The following ACTL10 variants were observed in gnomAD, a reference collection of about 807,000 sequenced individuals.
ACTL10 encodes actin like 10.
For synonymous variants in ACTL10, 180 were observed against 169.9 expected (o/e 1.06, Z -0.46); for missense variants, 413 against 359.4 (o/e 1.15, Z -1.21).
chr20:33,667,690 C>A lies in ACTL10; in HGVS notation c.193C>A (p.Pro65Thr), dbSNP rs538359598. The change falls in exon 1 of 1, where the codon CCT (proline) becomes ACT (threonine). Residue 65 changes from proline to threonine, a missense_variant. Transcript: ENST00000677665. ...GCGGGATCTGCTGGTGGCGGCGAAC[C>A]CTGACCTCTTGCAGCAGGCCCTGCC... ...YLRDLLVAANPDLLQQALPRK... is the reference protein window; with the variant it reads ...YLRDLLVAANTDLLQQALPRK... The A allele has an allele frequency of 6.0e-5, 97 of 1,612,120 alleles. 1 individual carries two copies. In the South Asian group the frequency reaches 1.0e-3, roughly 17 times the overall value.
At position 33,667,801 on chromosome 20, in the gene ACTL10, C is replaced by A. The variant is rs116576871; in HGVS notation, c.304C>A (p.His102Asn). The A allele has an allele frequency of 9.1e-4, 1,461 of 1,612,650 alleles. 9 individuals are homozygous for A. In the African/African-American group the frequency reaches 0.015, roughly 17 times the overall value. ...EGDLRDPARH[H>N]PASFSVGNGC... ...CGACCTCCGCGACCCCGCCCGCCAC[C>A]ATCCGGCCAGTTTCAGCGTGGGTAA... The change falls in exon 1 of 1, where the codon CAT becomes AAT. Residue 102 changes from histidine to asparagine, a missense_variant. Transcript: ENST00000677665.
At position 33,668,203 on chromosome 20, in the gene ACTL10, G is replaced by A; in HGVS notation, c.706G>A (p.Gly236Ser). 6.2e-7 allele frequency: 1 copy of A among 1,605,236 alleles called. No individual in the cohort carries two copies. Among genetic ancestry groups the A allele is most frequent in the Non-Finnish European group, 8.5e-7 (1 of 1,175,882 alleles). The change falls in exon 1 of 1, where the codon GGC becomes AGC. Residue 236 changes from glycine to serine, a missense_variant. Gly to Ser is a moderately conservative substitution (Grantham distance 56). Transcript: ENST00000677665. ...WITRAMYQEC[G>S]SRLLYDVFN The stretch of plus-strand genomic sequence containing the variant: ...AACTCGGGCCATGTACCAGGAGTGT[G>A]GCTCCAGGCTGCTGTACGATGTGTT...
chr20:33,667,255 C>A lies in ACTL10; in HGVS notation c.-243C>A. 1 of 431,394 alleles carries A rather than the reference C, an allele frequency of 2.3e-6. No individual in the cohort carries two copies. Among genetic ancestry groups the A allele is most frequent in the Non-Finnish European group, 3.9e-6 (1 of 253,572 alleles). The allele number at this position is 431,394 out of a possible 1,614,324, so 26.7% of individuals were successfully genotyped here. ...GGTGCCCAGCTGGGACCGGCCGGTG[C>A]TGCCCGGAGCGCCGGGCTGCGAGCT... On this transcript the variant is annotated 5_prime_UTR_variant, in exon 1 of 1. It adds an upstream start codon to the 5' untranslated region. Coordinates refer to ENST00000677665, the MANE Select transcript of ACTL10 (RefSeq NM_001024675.2).
Position 33,667,649 on chromosome 20 carries a change from C to A in ACTL10, c.152C>A (p.Thr51Asn). 6.2e-7 allele frequency: 1 copy of A among 1,609,044 alleles called. No homozygotes were observed. The highest frequency in any genetic ancestry group is 8.5e-7 in the Non-Finnish European group (1 of 1,178,680). The change falls in exon 1 of 1, where the codon ACC (threonine) becomes AAC (asparagine). Residue 51 changes from threonine (T) to asparagine (N), a missense_variant. Thr to Asn is a moderately conservative substitution (Grantham distance 65, BLOSUM62 0). Transcript: ENST00000677665. ...TTCCGACTGAACGTGGCAGGCAGCA[C>A]CCTGTCGCGCTACCTGCGGGATCTG... ...ATFRLNVAGSTLSRYLRDLLV... is the reference protein window; with the variant it reads ...ATFRLNVAGSNLSRYLRDLLV...
In ACTL10 at chr20:33,668,105, A is replaced by G; in HGVS notation, c.608A>G (p.His203Arg). The part of the protein sequence containing the change: ...AALRPHLVAK[H>R]GRGMAVWTGG... Reference sequence around the variant, plus strand: ...CTGCGGCCCCACCTGGTGGCCAAGCATGGGCGTGGCATGGCTGTGTGGACC... The same window carrying G: ...CTGCGGCCCCACCTGGTGGCCAAGCGTGGGCGTGGCATGGCTGTGTGGACC... The change falls in exon 1 of 1, where the codon CAT becomes CGT. Residue 203 changes from histidine to arginine, a missense_variant. Physicochemically the swap from His to Arg is conservative, Grantham distance 29 (BLOSUM62 0). Coordinates refer to ENST00000677665, the MANE Select transcript of ACTL10 (RefSeq NM_001024675.2). 2 of 1,607,646 alleles carry G rather than the reference A, an allele frequency of 1.2e-6. No individual in the cohort carries two copies. Among genetic ancestry groups the G allele is most frequent in the Non-Finnish European group, 1.7e-6 (2 of 1,177,414 alleles).
At position 33,667,757 on chromosome 20, in the gene ACTL10, T is replaced by C. The variant is rs376698003; in HGVS notation, c.260T>C (p.Val87Ala). 6.2e-7 allele frequency: 1 copy of C among 1,612,588 alleles called. No homozygotes were observed. The highest frequency in any genetic ancestry group is 8.5e-7 in the Non-Finnish European group (1 of 1,179,926). The change falls in exon 1 of 1, where the codon GTG (valine) becomes GCG (alanine). Residue 87 changes from valine to alanine, a missense_variant. Transcript: ENST00000677665. ...CATCTCAAGAAGCGCAGCTGCTACG[T>C]GTCCCTGGACTTCGAGGGCGACCTC... Reference protein sequence around the residue: ...ITHLKKRSCYVSLDFEGDLRD... With the variant: ...ITHLKKRSCYASLDFEGDLRD...
rs2017742272 is a variant in ACTL10, at chr20:33,668,242, C to A, written c.*7C>A. ...GTACGATGTGTTCAACTGAGTCAGG[C>A]TGGACTGGGGGGGGTGGCACTGCGT... On this transcript the variant is annotated 3_prime_UTR_variant, in exon 1 of 1. Coordinates refer to ENST00000677665, the MANE Select transcript of ACTL10 (RefSeq NM_001024675.2). 1 of 1,570,488 alleles carries A rather than the reference C, an allele frequency of 6.4e-7. No individual in the cohort carries two copies. The highest frequency in any genetic ancestry group is 1.2e-5 in the South Asian group (1 of 85,854).
Position 33,668,256 on chromosome 20 carries a change from G to GT in ACTL10, c.*22dup. Reference sequence around the variant, plus strand: ...ACTGAGTCAGGCTGGACTGGGGGGGGTGGCACTGCGTTGGGGGACAGCTCT... The same window carrying GT: ...ACTGAGTCAGGCTGGACTGGGGGGGGTTGGCACTGCGTTGGGGGACAGCTCT... On this transcript the variant is annotated 3_prime_UTR_variant, in exon 1 of 1. Transcript: ENST00000677665. 6.4e-7 allele frequency: 1 copy of GT among 1,556,650 alleles called. No homozygotes were observed. Among genetic ancestry groups the GT allele is most frequent in the Non-Finnish European group, 8.7e-7 (1 of 1,149,358 alleles).
In ACTL10 at chr20:33,668,077, G is replaced by A. The variant is rs768479252; in HGVS notation, c.580G>A (p.Ala194Thr). The A allele has an allele frequency of 1.3e-6, 2 of 1,585,122 alleles. No homozygotes were observed. Among genetic ancestry groups the A allele is most frequent in the South Asian group, 2.3e-5 (2 of 88,674 alleles). The change falls in exon 1 of 1, where the codon GCC (alanine) becomes ACC (threonine). Residue 194 changes from alanine to threonine, a missense_variant. Transcript: ENST00000677665. ...GCAGTGCCGGCGGCACGGCTACGCG[G>A]CCCTGCGGCCCCACCTGGTGGCCAA... The part of the protein sequence containing the change: ...EAQCRRHGYA[A>T]LRPHLVAKHG...
chr20:33,668,426 T>C lies in ACTL10; in HGVS notation c.*191T>C, dbSNP rs1357094355. The C allele has an allele frequency of 9.7e-6, 7 of 723,110 alleles. No individual in the cohort carries two copies. The East Asian group carries it at 2.2e-4, about 22-fold the overall frequency. The allele number at this position is 723,110 out of a possible 1,614,324, so 44.8% of individuals were successfully genotyped here. On this transcript the variant is annotated 3_prime_UTR_variant, in exon 1 of 1. Transcript: ENST00000677665. The stretch of plus-strand genomic sequence containing the variant: ...CTCATTTTGAACTGCAGTTTGAATC[T>C]CCCCAACCACTGCCAGTTCAGAGAA...
At position 33,667,520 on chromosome 20, in the gene ACTL10, C is replaced by A; in HGVS notation, c.23C>A (p.Ala8Glu). The A allele has an allele frequency of 2.6e-6, 4 of 1,528,048 alleles. No individual in the cohort carries two copies. The highest frequency in any genetic ancestry group is 3.5e-6 in the Non-Finnish European group (4 of 1,138,228). The allele number at this position is 1,528,048 out of a possible 1,614,324, so 94.7% of individuals were successfully genotyped here. A position where few individuals can be genotyped will look rare whatever the true frequency, so the allele number is the denominator to read the frequency against. ...CACATGGCTAGCACCGCGTTGCTGG[C>A]GCTCTGCTCCACCGGCGCGTTCAGC... Reference protein sequence around the residue: MASTALLALCSTGAFSGL... With the variant: MASTALLELCSTGAFSGL... The change falls in exon 1 of 1, where the codon GCG becomes GAG. Residue 8 changes from alanine (A) to glutamate (E), a missense_variant. Physicochemically the swap from Ala to Glu is moderately radical, Grantham distance 107. Coordinates refer to ENST00000677665, the MANE Select transcript of ACTL10 (RefSeq NM_001024675.2).
rs1463707368 is a variant in ACTL10, at chr20:33,667,028, G to C, written c.-470G>C. On this transcript the variant is annotated 5_prime_UTR_variant, in exon 1 of 1. Transcript: ENST00000677665. The stretch of plus-strand genomic sequence containing the variant: ...GGCCGGGAGGTATCGGGCCGACGAA[G>C]CCGAGTGGCGCGGAGGAGCGGAGCC... 1 of 159,192 alleles carries C rather than the reference G, an allele frequency of 6.3e-6. No homozygotes were observed. The highest frequency in any genetic ancestry group is 1.4e-5 in the Non-Finnish European group (1 of 72,856). 9.9% of individuals were successfully genotyped at this position (159,192 alleles called of 1,614,324 possible).
rs2017748431 is a variant in ACTL10 at position 33,668,399 on chromosome 20, C to A, written c.*164C>A. The A allele has an allele frequency of 2.0e-6, 2 of 987,014 alleles. No individual in the cohort carries two copies. The highest frequency in any genetic ancestry group is 1.7e-5 in the African/African-American group (1 of 60,170). 61.1% of individuals were successfully genotyped at this position (987,014 alleles called of 1,614,324 possible). Reference sequence around the variant, plus strand: ...GAGAAGGTATTTGGGACCCATGGGACCCTCATTTTGAACTGCAGTTTGAAT... The same window carrying A: ...GAGAAGGTATTTGGGACCCATGGGAACCTCATTTTGAACTGCAGTTTGAAT... On this transcript the variant is annotated 3_prime_UTR_variant, in exon 1 of 1. Coordinates refer to ENST00000677665, the MANE Select transcript of ACTL10 (RefSeq NM_001024675.2).
At position 33,667,668 on chromosome 20, in the gene ACTL10, G is replaced by C; in HGVS notation, c.171G>C (p.Arg57=). Residue 57 remains arginine, a synonymous_variant, in exon 1 of 1, where the codon CGG becomes CGC. Transcript: ENST00000677665. ...GCAGCACCCTGTCGCGCTACCTGCG[G>C]GATCTGCTGGTGGCGGCGAACCCTG... The part of the protein sequence containing the change: ...VAGSTLSRYL[R]DLLVAANPDL... 1 of 1,611,536 alleles carries C rather than the reference G, an allele frequency of 6.2e-7. No individual in the cohort carries two copies. Among genetic ancestry groups the C allele is most frequent in the East Asian group, 2.2e-5 (1 of 44,822 alleles).
At position 33,667,375 on chromosome 20, in the gene ACTL10, G is replaced by A. The variant is rs1568899550; in HGVS notation, c.-123G>A. ...GCTGTGGGAGCGCCTGCTGGTGGGC[G>A]GCCTGCGGGTGTGCCCAGAGCAGTG... On this transcript the variant is annotated 5_prime_UTR_variant, in exon 1 of 1. Transcript: ENST00000677665. The A allele has an allele frequency of 4.8e-6, 6 of 1,239,098 alleles. No individual in the cohort carries two copies. Among genetic ancestry groups the A allele is most frequent in the Non-Finnish European group, 6.2e-6 (6 of 969,562 alleles). 76.8% of individuals were successfully genotyped at this position (1,239,098 alleles called of 1,614,324 possible). A position where few individuals can be genotyped will look rare whatever the true frequency, so the allele number is the denominator to read the frequency against.
rs1323447001 is a variant in ACTL10, at chr20:33,667,887, G to A, written c.390G>A (p.Pro130=). 4 of 1,587,312 alleles carry A rather than the reference G, an allele frequency of 2.5e-6. No individual in the cohort carries two copies. Among genetic ancestry groups the A allele is most frequent in the East Asian group, 2.3e-5 (1 of 43,184 alleles). Residue 130 remains proline (P), a synonymous_variant, in exon 1 of 1, where the codon CCG becomes CCA. Coordinates refer to ENST00000677665, the MANE Select transcript of ACTL10 (RefSeq NM_001024675.2). ...GCTGCCCCGAACCCATCTTCCAGCC[G>A]GGCCTGCTGGGCCAGGCTGAGCAGG... ...RFRCPEPIFQ[P]GLLGQAEQGL...
At position 33,667,292 on chromosome 20, in the gene ACTL10, T is replaced by C; in HGVS notation, c.-206T>C. ...CCGGGCTGCGAGCTGGCGGGCGGCG[T>C]GGCGCGGGCGCACCCCATCAAGCAC... On this transcript the variant is annotated 5_prime_UTR_variant, in exon 1 of 1. Transcript: ENST00000677665. The C allele has an allele frequency of 1.8e-6, 1 of 569,410 alleles. No homozygotes were observed. The highest frequency in any genetic ancestry group is 2.7e-6 in the Non-Finnish European group (1 of 376,520). The allele number at this position is 569,410 out of a possible 1,614,324, so 35.3% of individuals were successfully genotyped here. A position where few individuals can be genotyped will look rare whatever the true frequency, so the allele number is the denominator to read the frequency against.
Position 33,668,176 on chromosome 20 carries a change from A to G in ACTL10, c.679A>G (p.Ile227Val), listed in dbSNP as rs1798974629. ...ASLHSFQRRWITRAMYQECGS... is the reference protein window; with the variant it reads ...ASLHSFQRRWVTRAMYQECGS... The stretch of plus-strand genomic sequence containing the variant: ...CCTGCACTCCTTCCAGCGCCGCTGG[A>G]TAACTCGGGCCATGTACCAGGAGTG... Residue 227 changes from isoleucine to valine, a missense_variant, in exon 1 of 1, where the codon ATA (isoleucine) becomes GTA (valine). Transcript: ENST00000677665. The G allele has an allele frequency of 2.5e-6, 4 of 1,611,854 alleles. No homozygotes were observed. Among genetic ancestry groups the G allele is most frequent in the Non-Finnish European group, 3.4e-6 (4 of 1,179,232 alleles).
rs147746551 is a variant in ACTL10, at chr20:33,667,635, C to T, written c.138C>T (p.Asn46=). The T allele has an allele frequency of 1.2e-5, 19 of 1,605,762 alleles. No homozygotes were observed. The highest frequency in any genetic ancestry group is 8.4e-5 in the Admixed American group (5 of 59,346). ...GGCACCAGGCCACCTTCCGACTGAA[C>T]GTGGCAGGCAGCACCCTGTCGCGCT... The part of the protein sequence containing the change: ...HSWHQATFRL[N]VAGSTLSRYL... Residue 46 remains asparagine (N), a synonymous_variant, in exon 1 of 1, where the codon AAC becomes AAT. Transcript: ENST00000677665.
Sources: gnomAD v4.1 joint callset for allele counts on GRCh38, gnomAD v4.1.1 for gene constraint, MANE v1.5 for transcripts, NCBI Gene and HGNC (gene_info 2026-07-23, HGNC 2026-07-21) for gene names.